Variants in SYNE2 observed in about 807,000 individuals in gnomAD.
The protein encoded by SYNE2 is nesprin-2.
A neutral mutation model predicts 856.3 loss-of-function variants in SYNE2; 431 were observed. The ratio of observed to expected loss-of-function variants is 0.50; its 90% CI spans 0.47 to 0.55. The LOEUF is 0.55. Among genes scored for constraint, SYNE2 ranks in the 20% least tolerant of loss-of-function variants. The pLI, the probability that SYNE2 is intolerant of heterozygous loss-of-function variation, is 0.00. For missense variants in SYNE2, 8,129 were observed against 8,023.2 expected (o/e 1.01, Z -0.50); for synonymous variants, 2,923 against 2,872.3 (o/e 1.02, Z -0.56).
chr14:64,145,084 G>A (rs909497070), intron 83 of SYNE2, among the ~76,000 whole-genome samples: 2 of 151,612 alleles, frequency 1.3e-5, no homozygotes, highest in Admixed American at 6.6e-5. Flanking sequence ...CTGCCGCCAC[G>A]CCTAGCTAAT....
intron 67 of SYNE2, 120 bp downstream of exon 67, chr14:64,119,729 A>T: frequency 4.2e-6 from 4 of 955,452 alleles, no homozygotes; most frequent in Non-Finnish European, 6.3e-6. Context: ...AGTGTGAAAG[A>T]ATTTCACACA....
At chr14:64,206,373 G>C (rs564264918) in intron 100 of SYNE2, among the ~76,000 whole-genome samples, 1 of 152,276 alleles carries the variant, frequency 6.6e-6, no homozygotes, top group Admixed American at 6.5e-5. Flanking sequence ...GTGGTTACTA[G>C]CGGTAGGATT....
chr14:63,792,421 G>A (rs919487423), intron 1 of SYNE2, among the ~76,000 whole-genome samples: 2 of 152,074 alleles, frequency 1.3e-5, no homozygotes, highest in African/African-American at 4.8e-5. Flanking sequence ...CTGGCGTGGT[G>A]ATGTGCACCT....
intron 2 of SYNE2, among the ~76,000 whole-genome samples, chr14:63,914,848 G>A (rs2095515852): frequency 6.6e-6 from 1 of 152,136 alleles, no homozygotes; most frequent in African/African-American, 2.4e-5. Context: ...TGCGATCTTG[G>A]CCCACTGCAG....
intron 1 of SYNE2, among the ~76,000 whole-genome samples, chr14:63,802,175 T>C (rs112352566): frequency 2.9e-5 from 1 of 34,106 alleles, no homozygotes; most frequent in Non-Finnish European, 8.0e-5. Flanking sequence ...GGCATAATCT[T>C]GGCTTACTGC....
At chr14:63,991,945 C>CT (rs34089601) in intron 21 of SYNE2, among the ~76,000 whole-genome samples, 18,524 of 152,024 alleles carry the variant, frequency 0.12, 1,492 homozygotes, top group African/African-American at 0.22. Context: ...CTCTGTCTGT[C>CT]TTCTGGGCCT....
At chr14:64,018,743 C>G (rs1310204845) in intron 34 of SYNE2, among the ~76,000 whole-genome samples, 3 of 152,162 alleles carry the variant, frequency 2.0e-5, no homozygotes, top group Non-Finnish European at 4.4e-5. Flanking sequence ...AACCTCCGAT[C>G]TAGACCATGA....
At position 64,065,452 on chromosome 14, in the gene SYNE2, A is replaced by G. The variant is rs751265049; in HGVS notation, c.10233A>G (p.Ile3411Met). ...TTAAGGCCTTGGTGTCAAATCTTATATCAACCAAAGAAGAGTTAATGAAAC... is the reference window on the plus strand; with the variant it reads ...TTAAGGCCTTGGTGTCAAATCTTATGTCAACCAAAGAAGAGTTAATGAAAC... ...EQSKALVSNLISTKEELMKLR... is the reference protein window; with the variant it reads ...EQSKALVSNLMSTKEELMKLR... The change falls in exon 51 of 116, where the codon ATA becomes ATG. Residue 3411 changes from isoleucine to methionine, a missense_variant. By Grantham distance (10) the Ile-to-Met change is conservative. Coordinates refer to ENST00000555002, the MANE Select transcript of SYNE2 (RefSeq NM_182914.3). 2 of 1,614,102 alleles carry G rather than the reference A, an allele frequency of 1.2e-6. No individual in the cohort carries two copies. Among genetic ancestry groups the G allele is most frequent in the Non-Finnish European group, 8.5e-7 (1 of 1,180,024 alleles).
chr14:64,212,089 C>T lies in SYNE2; in HGVS notation c.18852C>T (p.Arg6284=), dbSNP rs2098644214. The T allele has an allele frequency of 6.2e-7, 1 of 1,614,118 alleles. No individual in the cohort carries two copies. The highest frequency in any genetic ancestry group is 8.5e-7 in the Non-Finnish European group (1 of 1,180,032). The change falls in exon 104 of 116, where the codon CGC becomes CGT. Residue 6284 remains arginine (R), a synonymous_variant. Transcript: ENST00000555002. ...AGAGTGACGCCGATGACAAGATGCG[C>T]CAACTGAATGTGAGGGCTGCTGCTT... ...FSESDADDKM[R]QLNGFQQEIT...
chr14:63,935,150 G>A (rs1163932702), intron 2 of SYNE2, among the ~76,000 whole-genome samples: 2 of 152,046 alleles, frequency 1.3e-5, no homozygotes, highest in South Asian at 4.1e-4. Context: ...GGACAAAATT[G>A]TGGTGCTCTG....
In SYNE2 at chr14:64,054,942, G is replaced by C. The variant is rs117727643; in HGVS notation, c.9745-1002G>C. Among the ~76,000 whole-genome samples the C allele has an allele frequency of 1.0e-3, 159 of 152,284 alleles. 2 individuals are homozygous for C. In the East Asian group the frequency reaches 0.016, roughly 15 times the overall value. ...ATTATGAACCTATATTCCTTAAATA[G>C]TTTTGTAATAAATGAGTAATTTGAG... On this transcript the variant is annotated intron_variant, in intron 48 of 115. Transcript: ENST00000555002.
intron 112 of SYNE2, among the ~76,000 whole-genome samples, chr14:64,222,738 AAATG>A (rs2098700577): frequency 1.3e-5 from 2 of 152,112 alleles, no homozygotes; most frequent in Non-Finnish European, 1.5e-5. Flanking sequence ...AAAAATAAAT[AAATG>A]AATAGCCACA....
intron 32 of SYNE2, among the ~76,000 whole-genome samples, chr14:64,015,089 C>CGT (rs915029266): frequency 4.3e-5 from 6 of 139,876 alleles, no homozygotes; most frequent in African/African-American, 1.4e-4. Context: ...ATATATATAA[C>CGT]GTGTATATAT....
At chr14:64,137,701 A>G (rs1595770959) in intron 78 of SYNE2, 86 bp from the exon 79 acceptor site, 3 of 1,381,862 alleles carry the variant, frequency 2.2e-6, no homozygotes, top group Middle Eastern at 1.9e-4. Context: ...GTGGACACAA[A>G]TGTCAGTTTT....
At chr14:64,123,341 G>T (rs1426208898) in intron 70 of SYNE2, among the ~76,000 whole-genome samples, 1 of 152,158 alleles carries the variant, frequency 6.6e-6, no homozygotes, top group Non-Finnish European at 1.5e-5. Flanking sequence ...GCCCCACTGC[G>T]CACAAGGCAG....
rs1567394999 is a variant in SYNE2 at position 64,130,096 on chromosome 14, C to G, written c.14188C>G (p.Leu4730Val). The G allele has an allele frequency of 6.2e-7, 1 of 1,614,034 alleles. No individual in the cohort carries two copies. The highest frequency in any genetic ancestry group is 8.5e-7 in the Non-Finnish European group (1 of 1,180,044). The part of the protein sequence containing the change: ...WGMLRARYTE[L>V]SSPFVTESQQ... The stretch of plus-strand genomic sequence containing the variant: ...AATGCTAAGAGCCAGGTACACAGAA[C>G]TCAGCAGCCCTTTCGTCACTGAGAG... Residue 4730 changes from leucine (L) to valine (V), a missense_variant, in exon 76 of 116, where the codon CTC becomes GTC. Physicochemically the swap from Leu to Val is conservative, Grantham distance 32 (BLOSUM62 1). This residue lies in a region of SYNE2 where 5,410 missense variants were observed against 5,284.8 expected (regional missense o/e 1.02). Transcript: ENST00000555002.
intron 13 of SYNE2, 147 bp from the exon 14 acceptor site, chr14:63,978,705 T>TA (rs1265913151): frequency 3.1e-6 from 2 of 642,178 alleles, no homozygotes; most frequent in South Asian, 1.9e-5. Context: ...TTACAATGTT[T>TA]AAAAAAGAAA....
At chr14:63,812,444 C>T (rs952992290) in intron 1 of SYNE2, among the ~76,000 whole-genome samples, 1 of 152,108 alleles carries the variant, frequency 6.6e-6, no homozygotes, top group Admixed American at 6.6e-5. Flanking sequence ...ACACGTTTTA[C>T]AATCAATTTT....
chr14:64,031,681 C>T (rs2097037026), intron 45 of SYNE2, among the ~76,000 whole-genome samples: 1 of 152,116 alleles, frequency 6.6e-6, no homozygotes, highest in South Asian at 2.1e-4. Flanking sequence ...TGTTCTTTAC[C>T]TATTTTCTCA....
Sources: allele counts gnomAD v4.1 joint callset (sites outside exome capture counted in the v4.1 genomes callset), GRCh38; gene constraint gnomAD v4.1.1; regional missense constraint gnomAD v4.1.1; transcripts MANE v1.5; gene names NCBI Gene and HGNC (gene_info 2026-07-23, HGNC 2026-07-21).